Variants in DMD observed in about 807,000 individuals in gnomAD.
DMD encodes mutant dystrophin.
DMD carries 63 observed loss-of-function variants against 330.1 expected under a neutral mutation model. The observed-to-expected ratio is 0.19, with a 90% CI of 0.16 to 0.24. DMD has a LOEUF of 0.24. Ranked by LOEUF, DMD falls within the 10% of genes least tolerant of loss-of-function variation. DMD has a pLI of 1.00. For missense variants in DMD, 3,344 were observed against 2,684.1 expected (o/e 1.25, Z -5.43); for synonymous variants, 1,223 against 959.8 (o/e 1.27, Z -5.07).
chrX:32,515,011 G>C (rs1038969767), intron 18 of DMD, among the ~76,000 whole-genome samples: 1 of 112,359 alleles, frequency 8.9e-6, no homozygotes, highest in Non-Finnish European at 1.9e-5. Context: ...TGCAAGGAAA[G>C]AGGTATTTTT....
chrX:32,783,653 C>T (rs770452028), intron 7 of DMD, among the ~76,000 whole-genome samples: 7 of 109,866 alleles, frequency 6.4e-5, no homozygotes, highest in Admixed American at 2.9e-4. Context: ...CAACTATTTA[C>T]GTACTATTTA....
intron 55 of DMD, among the ~76,000 whole-genome samples, chrX:31,564,100 C>T (rs2075342223): frequency 9.0e-6 from 1 of 110,803 alleles, no homozygotes; most frequent in Non-Finnish European, 1.9e-5. Context: ...GCCAACAAAC[C>T]ATCAGAAACT....
chrX:31,228,818 G>A (rs1406419530), intron 63 of DMD, among the ~76,000 whole-genome samples: 3 of 111,451 alleles, frequency 2.7e-5, no homozygotes, highest in African/African-American at 9.8e-5. Context: ...GGGAGAAAGC[G>A]CACTTCAGAA....
chrX:33,081,539 G>T (rs888769440), intron 1 of DMD, among the ~76,000 whole-genome samples: 1 of 112,160 alleles, frequency 8.9e-6, no homozygotes, highest in Non-Finnish European at 1.9e-5. Flanking sequence ...CTCCCAAAGT[G>T]CAGCCTCCCA....
intron 44 of DMD, among the ~76,000 whole-genome samples, chrX:32,124,900 C>T (rs774892864): frequency 1.9e-5 from 2 of 107,658 alleles, no homozygotes; most frequent in African/African-American, 6.8e-5. Flanking sequence ...TGAGCAGATT[C>T]CCTGACAAAC....
intron 67 of DMD, among the ~76,000 whole-genome samples, chrX:31,191,862 G>A (rs2042405084): frequency 8.9e-6 from 1 of 112,371 alleles, no homozygotes; most frequent in Non-Finnish European, 1.9e-5. Flanking sequence ...TTGTTAATAG[G>A]TATTGGCATT....
At chrX:32,837,266 T>G (rs141444857) in intron 4 of DMD, among the ~76,000 whole-genome samples, 84 of 112,196 alleles carry the variant, frequency 7.5e-4, no homozygotes, top group African/African-American at 2.6e-3. Context: ...TCTTTGTATG[T>G]GATGACTACA....
At chrX:32,118,621 C>T (rs908332007) in intron 44 of DMD, among the ~76,000 whole-genome samples, 6 of 111,132 alleles carry the variant, frequency 5.4e-5, no homozygotes, top group Non-Finnish European at 9.4e-5. Flanking sequence ...AGAACTCCTA[C>T]GAGTGGGGCA....
At chrX:32,581,745 CA>C (rs1322069007) in intron 13 of DMD, among the ~76,000 whole-genome samples, 1 of 111,746 alleles carries the variant, frequency 8.9e-6, no homozygotes, top group African/African-American at 3.2e-5. Flanking sequence ...TTAAACCTAG[CA>C]AGCATATTAC....
intron 47 of DMD, among the ~76,000 whole-genome samples, chrX:31,892,951 C>G (rs1257514195): frequency 8.9e-6 from 1 of 111,819 alleles, no homozygotes; most frequent in African/African-American, 3.2e-5. Context: ...TTTATTTTTA[C>G]TATTTTAATG....
chrX:33,065,429 A>G (rs1405473380), intron 1 of DMD, among the ~76,000 whole-genome samples: 1 of 112,590 alleles, frequency 8.9e-6, no homozygotes, highest in Non-Finnish European at 1.9e-5. Context: ...AGTTTGATTC[A>G]TTAAGGGACA....
At chrX:32,477,997 A>G (rs1290243733) in intron 21 of DMD, among the ~76,000 whole-genome samples, 1 of 111,898 alleles carries the variant, frequency 8.9e-6, no homozygotes, top group Non-Finnish European at 1.9e-5. Context: ...AGATGAAACA[A>G]TATTTTCAAA....
chrX:31,548,560 T>G (rs1258573831), intron 55 of DMD, among the ~76,000 whole-genome samples: 2 of 103,581 alleles, frequency 1.9e-5, no homozygotes, highest in Non-Finnish European at 2.0e-5. Context: ...TTCTTTTTCT[T>G]TTTTTTTTTT....
At chrX:32,281,404 ATATT>A (rs1569555801) in intron 43 of DMD, among the ~76,000 whole-genome samples, 1 of 112,316 alleles carries the variant, frequency 8.9e-6, no homozygotes, top group Non-Finnish European at 1.9e-5. Flanking sequence ...CTTAAAGTAC[ATATT>A]TATTATTTTT....
chrX:32,003,523 A>C (rs2095640913), intron 44 of DMD, among the ~76,000 whole-genome samples: 1 of 111,286 alleles, frequency 9.0e-6, no homozygotes, highest in South Asian at 3.7e-4. Context: ...GTGGGTGGTA[A>C]ATAATTGCTG....
chrX:33,302,893 T>C (rs1295164099), intron 1 of DMD, among the ~76,000 whole-genome samples: 1 of 111,808 alleles, frequency 8.9e-6, no homozygotes, highest in East Asian at 2.8e-4. Flanking sequence ...TTACAGAGAA[T>C]TTCCCTGTCC....
At chrX:32,637,134 T>C (rs1388277611) in intron 11 of DMD, among the ~76,000 whole-genome samples, 1 of 111,936 alleles carries the variant, frequency 8.9e-6, no homozygotes, top group African/African-American at 3.2e-5. Context: ...AGGACAAATA[T>C]GAATATATCA....
intron 28 of DMD, 22 bp from the exon 29 acceptor site, chrX:32,438,412 T>C: frequency 8.3e-7 from 1 of 1,206,372 alleles, no homozygotes; most frequent in Non-Finnish European, 1.1e-6. Context: ...TTGCAATAAT[T>C]ACTATTTCTC....
rs190219047 is a variant in DMD, at chrX:32,099,079, G to C, written c.6438+117837C>G. Among the ~76,000 whole-genome samples, 3 of 111,547 alleles carry C rather than the reference G, an allele frequency of 2.7e-5. No individual in the cohort carries two copies. In the Admixed American group the frequency reaches 2.9e-4, roughly 11 times the overall value. ...TGAACATTGCTTTTAGGAATAAATT[G>C]ATGTTAAGAATGTACTAGTTTACAA... On this transcript the variant is annotated intron_variant, in intron 44 of 78. Coordinates refer to ENST00000357033, the MANE Select transcript of DMD (RefSeq NM_004006.3).
Sources: gnomAD v4.1 joint callset for allele counts (sites outside exome capture counted in the v4.1 genomes callset) on GRCh38, gnomAD v4.1.1 for gene constraint, MANE v1.5 for transcripts, NCBI Gene and HGNC (gene_info 2026-07-23, HGNC 2026-07-21) for gene names.